The following VAV3 variants were observed in gnomAD, a reference collection of about 807,000 sequenced individuals.
VAV3 encodes the protein vav guanine nucleotide exchange factor 3, also known as guanine nucleotide exchange factor VAV3.
VAV3 carries 94 observed loss-of-function variants against 131.2 expected under a neutral mutation model. That is an observed-to-expected ratio of 0.72 (90% CI 0.61 to 0.85). VAV3 has a LOEUF of 0.85. VAV3 is among the 40% of genes least tolerant of loss of function. The pLI is 0.00. For missense variants in VAV3, 939 were observed against 1,002.7 expected (o/e 0.94, Z 0.86); for synonymous variants, 349 against 342.0 (o/e 1.02, Z -0.22).
At chr1:107,798,466 C>A (rs1666658929) in intron 2 of VAV3, among the ~76,000 whole-genome samples, 1 of 151,898 alleles carries the variant, frequency 6.6e-6, no homozygotes, top group East Asian at 1.9e-4. Flanking sequence ...TGCCTGTAAT[C>A]CTAGCACTTT....
At chr1:107,700,236 T>A (rs1660018352) in intron 17 of VAV3, among the ~76,000 whole-genome samples, 1 of 152,138 alleles carries the variant, frequency 6.6e-6, no homozygotes, top group Non-Finnish European at 1.5e-5. Flanking sequence ...ACTTTCAACT[T>A]CCTTATGGCC....
chr1:107,661,251 G>A (rs540358225), intron 19 of VAV3, among the ~76,000 whole-genome samples: 11 of 151,752 alleles, frequency 7.2e-5, no homozygotes, highest in East Asian at 3.9e-4. Context: ...CCTCCTTCAC[G>A]GGGCAGCTCT....
chr1:107,813,216 CAGTA>C (rs901882645), intron 2 of VAV3, among the ~76,000 whole-genome samples: 4 of 151,530 alleles, frequency 2.6e-5, no homozygotes, highest in Admixed American at 1.3e-4. Flanking sequence ...ATAGAAAAAT[CAGTA>C]AGTAAGTCTG....
chr1:107,598,892 A>G (rs1035250598), intron 24 of VAV3, among the ~76,000 whole-genome samples: 2 of 152,126 alleles, frequency 1.3e-5, no homozygotes, highest in African/African-American at 4.8e-5. Context: ...AATTGAGTAA[A>G]ATGTGTTATT....
chr1:107,861,471 T>C (rs1669732247), intron 2 of VAV3, among the ~76,000 whole-genome samples: 1 of 151,650 alleles, frequency 6.6e-6, no homozygotes, highest in South Asian at 2.1e-4. Context: ...AAATCAGCAG[T>C]GATTTTGGTA....
chr1:107,745,726 A>C (rs928326450), intron 15 of VAV3, among the ~76,000 whole-genome samples: 17 of 152,202 alleles, frequency 1.1e-4, no homozygotes, highest in African/African-American at 3.9e-4. Flanking sequence ...GATTTGCAAT[A>C]ATTTTAAATA....
chr1:107,645,069 C>T (rs1237703251), intron 19 of VAV3, among the ~76,000 whole-genome samples: 1 of 151,822 alleles, frequency 6.6e-6, no homozygotes, highest in Non-Finnish European at 1.5e-5. Flanking sequence ...TCTGGTATTG[C>T]TTTCTTCTTG....
intron 15 of VAV3, among the ~76,000 whole-genome samples, chr1:107,735,440 CA>C: frequency 6.6e-6 from 1 of 152,052 alleles, no homozygotes; most frequent in African/African-American, 2.4e-5. Context: ...GAAAAGATCA[CA>C]AAATAGATAG....
intron 10 of VAV3, among the ~76,000 whole-genome samples, chr1:107,759,669 A>C (rs935121617): frequency 6.6e-6 from 1 of 152,160 alleles, no homozygotes; most frequent in Non-Finnish European, 1.5e-5. Flanking sequence ...AAACAACCCA[A>C]GGGAAATTAG....
chr1:107,625,843 A>C (rs1331553646), intron 20 of VAV3, among the ~76,000 whole-genome samples: 1 of 152,210 alleles, frequency 6.6e-6, no homozygotes, highest in African/African-American at 2.4e-5. Flanking sequence ...CAAATCAATA[A>C]TCACGTCAGA....
rs74344389 is a variant in VAV3 at position 107,865,847 on chromosome 1, C to T, written c.321+9054G>A. 2.4e-3 allele frequency among the ~76,000 whole-genome samples: 372 copies of T among 152,232 alleles called. 1 individual carries two copies. Among genetic ancestry groups the T allele is most frequent in the Non-Finnish European group, 3.4e-3 (231 of 68,018 alleles). On this transcript the variant is annotated intron_variant, in intron 2 of 26. Coordinates refer to ENST00000370056, the MANE Select transcript of VAV3 (RefSeq NM_006113.5). Reference sequence around the variant, plus strand: ...AAGGGAAAAGCCACTTCCTGATGGTCCACACCTGTTGCACTAAAGTGTTAA... The same window carrying T: ...AAGGGAAAAGCCACTTCCTGATGGTTCACACCTGTTGCACTAAAGTGTTAA...
At chr1:107,625,219 T>G (rs1279305787) in intron 20 of VAV3, among the ~76,000 whole-genome samples, 2 of 152,110 alleles carry the variant, frequency 1.3e-5, no homozygotes, top group East Asian at 3.9e-4. Flanking sequence ...ATCCACAAAT[T>G]CTTAATTAGG....
At chr1:107,657,515 A>T (rs912931362) in intron 19 of VAV3, among the ~76,000 whole-genome samples, 4 of 152,240 alleles carry the variant, frequency 2.6e-5, no homozygotes, top group Admixed American at 6.5e-5. Flanking sequence ...TGTTATACAC[A>T]GGAACTTAAT....
intron 20 of VAV3, among the ~76,000 whole-genome samples, chr1:107,634,955 A>C (rs944558625): frequency 2.0e-5 from 3 of 151,796 alleles, no homozygotes; most frequent in Non-Finnish European, 4.4e-5. Context: ...GCAATCATTA[A>C]AAAGTCAGGA....
In VAV3 at chr1:107,571,314, CAA is replaced by C. The variant is rs1649244363; in HGVS notation, c.*2015_*2016del. The C allele has an allele frequency of 6.6e-6, 1 of 152,612 alleles. No individual in the cohort carries two copies. Among genetic ancestry groups the C allele is most frequent in the Non-Finnish European group, 1.5e-5 (1 of 68,032 alleles). 9.5% of individuals were successfully genotyped at this position (152,612 alleles called of 1,614,324 possible). A position where few individuals can be genotyped will look rare whatever the true frequency, so the allele number is the denominator to read the frequency against. ...CTGTCTTTGGTATTAGAACTCTACA[CAA>C]ATCTGCAGCATTTAAATTTTCCAAA... On this transcript the variant is annotated 3_prime_UTR_variant, in exon 27 of 27. Coordinates refer to ENST00000370056, the MANE Select transcript of VAV3 (RefSeq NM_006113.5).
intron 19 of VAV3, among the ~76,000 whole-genome samples, chr1:107,668,318 AAC>A (rs1215056317): frequency 2.0e-5 from 3 of 152,234 alleles, no homozygotes; most frequent in Non-Finnish European, 4.4e-5. Context: ...TAGTTATGGA[AAC>A]ACATATATGG....
intron 2 of VAV3, among the ~76,000 whole-genome samples, chr1:107,837,421 C>T (rs1013147873): frequency 6.6e-6 from 1 of 151,758 alleles, no homozygotes; most frequent in African/African-American, 2.4e-5. Flanking sequence ...GGAACATTTC[C>T]TGATTGGAAA....
At chr1:107,764,799 C>G (rs1028986019) in intron 9 of VAV3, among the ~76,000 whole-genome samples, 2 of 152,138 alleles carry the variant, frequency 1.3e-5, no homozygotes, top group Non-Finnish European at 2.9e-5. Flanking sequence ...TCAGCTTTCT[C>G]ATAAGATGAG....
At chr1:107,620,648 C>T (rs963560760) in intron 20 of VAV3, among the ~76,000 whole-genome samples, 4 of 152,074 alleles carry the variant, frequency 2.6e-5, no homozygotes, top group Admixed American at 2.6e-4. Flanking sequence ...ATTAAGCTGA[C>T]TGTTTCTATA....
Sources: gnomAD v4.1 joint callset for allele counts (sites outside exome capture counted in the v4.1 genomes callset) on GRCh38, gnomAD v4.1.1 for gene constraint, MANE v1.5 for transcripts, NCBI Gene and HGNC (gene_info 2026-07-23, HGNC 2026-07-21) for gene names.